P4HA1: variants seen among roughly 807,000 people sequenced by gnomAD.
The protein encoded by P4HA1 is prolyl 4-hydroxylase subunit alpha-1.
A neutral mutation model predicts 72.8 loss-of-function variants in P4HA1; 24 were observed. The ratio of observed to expected loss-of-function variants is 0.33; its 90% CI spans 0.24 to 0.46. The LOEUF (loss-of-function observed/expected upper bound fraction) is 0.46. Ranked by LOEUF, P4HA1 falls within the 20% of genes least tolerant of loss-of-function variation. The pLI is 1.00. For synonymous variants in P4HA1, 201 were observed against 218.8 expected, an observed-to-expected ratio of 0.92 and a Z score of 0.72; for missense variants, 446 against 640.6, an observed-to-expected ratio of 0.70 and a Z score of 3.28.
chr10:73,094,284 C>A (rs1285461676), intron 1 of P4HA1, among the ~76,000 whole-genome samples: 1 of 152,046 alleles, frequency 6.6e-6, no homozygotes, highest in Admixed American at 6.6e-5. Context: ...ATGCCCAGCT[C>A]GATTTTCAGA....
chr10:73,020,223 C>T (rs1840101903), intron 10 of P4HA1, among the ~76,000 whole-genome samples: 1 of 151,878 alleles, frequency 6.6e-6, no homozygotes, highest in Non-Finnish European at 1.5e-5. Context: ...TTACAACTGA[C>T]CCCAAAGAAA....
intron 1 of P4HA1, among the ~76,000 whole-genome samples, chr10:73,093,033 T>C (rs970957875): frequency 3.8e-4 from 58 of 151,638 alleles, no homozygotes; most frequent in African/African-American, 1.4e-3. Context: ...GGCAGAAGGA[T>C]TGCTTGAGCC....
chr10:73,068,390 C>T (rs1281282010), intron 5 of P4HA1, among the ~76,000 whole-genome samples: 1 of 151,982 alleles, frequency 6.6e-6, no homozygotes, highest in African/African-American at 2.4e-5. Flanking sequence ...GAGGACTTTG[C>T]CAAAAATAGG....
chr10:73,061,370 T>C (rs1841309216), intron 5 of P4HA1, among the ~76,000 whole-genome samples: 1 of 151,988 alleles, frequency 6.6e-6, no homozygotes. Context: ...CTCCAGAATG[T>C]GGAACATTCC....
rs114461216 is a variant in P4HA1 at position 73,075,105 on chromosome 10, T to C, written c.-32-190A>G. 1.8e-3 allele frequency among the ~76,000 whole-genome samples: 272 copies of C among 152,252 alleles called. 3 individuals are homozygous for C. The highest frequency in any genetic ancestry group is 6.2e-3 in the African/African-American group (258 of 41,532). On this transcript the variant is annotated intron_variant, in intron 1 of 14. Transcript: ENST00000394890. ...ATATAATGAGAGTACTACCATGACATTTCTTTTTTGTGTTTTTCTCTTTTG... is the reference window on the plus strand; with the variant it reads ...ATATAATGAGAGTACTACCATGACACTTCTTTTTTGTGTTTTTCTCTTTTG...
intron 5 of P4HA1, among the ~76,000 whole-genome samples, chr10:73,066,593 C>A (rs564060950): frequency 5.9e-5 from 9 of 152,224 alleles, no homozygotes; most frequent in Admixed American, 3.9e-4. Context: ...TCACAGCTCA[C>A]TGCAGCCTTG....
chr10:73,053,235 C>T (rs756388181), intron 6 of P4HA1, 116 bp downstream of exon 6: 25 of 965,266 alleles, frequency 2.6e-5, no homozygotes, highest in Non-Finnish European at 3.9e-5. Context: ...ACAAGTAAAG[C>T]TCCTGACTTC....
chr10:73,015,032 T>C (rs966211653), intron 11 of P4HA1, among the ~76,000 whole-genome samples: 1 of 151,924 alleles, frequency 6.6e-6, no homozygotes, highest in Non-Finnish European at 1.5e-5. Flanking sequence ...AGTTTCACCA[T>C]GTTGGCCAGA....
intron 5 of P4HA1, among the ~76,000 whole-genome samples, chr10:73,065,783 G>A (rs147907032): frequency 6.6e-5 from 10 of 152,214 alleles, no homozygotes; most frequent in African/African-American, 2.2e-4. Context: ...AATCAACAAA[G>A]ATGTATCAAA....
intron 10 of P4HA1, among the ~76,000 whole-genome samples, chr10:73,028,102 CTGAG>C (rs935931221): frequency 3.9e-5 from 6 of 152,100 alleles, no homozygotes; most frequent in Non-Finnish European, 2.9e-5. Context: ...TTACTGGACT[CTGAG>C]TGGGTTGCTG....
At chr10:73,056,278 GAT>G (rs1291917333) in intron 5 of P4HA1, among the ~76,000 whole-genome samples, 2 of 152,208 alleles carry the variant, frequency 1.3e-5, no homozygotes, top group East Asian at 1.9e-4. Context: ...CATTAAGAAA[GAT>G]AATTTCAATG....
chr10:73,045,699 TGA>T (rs1840839910), intron 8 of P4HA1, among the ~76,000 whole-genome samples: 1 of 152,028 alleles, frequency 6.6e-6, no homozygotes, highest in Non-Finnish European at 1.5e-5. Flanking sequence ...TCTGAGGTTG[TGA>T]GAGCATGAAA....
At chr10:73,042,496 G>C (rs1840759820) in intron 9 of P4HA1, among the ~76,000 whole-genome samples, 1 of 151,980 alleles carries the variant, frequency 6.6e-6, no homozygotes, top group African/African-American at 2.4e-5. Flanking sequence ...TCGAATGATT[G>C]AATTGTCATA....
chr10:73,085,840 A>C (rs1481999765), intron 1 of P4HA1, among the ~76,000 whole-genome samples: 1 of 152,216 alleles, frequency 6.6e-6, no homozygotes, highest in African/African-American at 2.4e-5. Context: ...ACAGTAAAAA[A>C]TGACTAGCTG....
chr10:73,043,909 C>T (rs751226925), intron 9 of P4HA1: 15 of 1,612,176 alleles, frequency 9.3e-6, no homozygotes, highest in Middle Eastern at 1.6e-4. Flanking sequence ...CTGTACTGTG[C>T]TGTGGTCAAT....
At position 73,051,066 on chromosome 10, in the gene P4HA1, T is replaced by TC; in HGVS notation, c.886dup (p.Glu296GlyfsTer19). The TC allele has an allele frequency of 6.2e-7, 1 of 1,613,216 alleles. No individual in the cohort carries two copies. Among genetic ancestry groups the TC allele is most frequent in the Non-Finnish European group, 8.5e-7 (1 of 1,179,598 alleles). On this transcript the variant is annotated frameshift_variant, in exon 7 of 15. Transcript: ENST00000394890. LOFTEE classifies it high-confidence loss of function. ...TTTCCACTTTACCATTTTGATACCC[T>TC]CCCCACGGCACAGCATTTCGTACTT...
At chr10:73,069,134 C>T (rs1031254400) in intron 4 of P4HA1, 151 bp from the exon 5 acceptor site, 2 of 598,736 alleles carry the variant, frequency 3.3e-6, no homozygotes, top group Middle Eastern at 4.4e-4. Context: ...ATTAAATACA[C>T]TGAATAAGAC....
At chr10:73,057,286 C>A (rs989922198) in intron 5 of P4HA1, among the ~76,000 whole-genome samples, 1 of 151,164 alleles carries the variant, frequency 6.6e-6, no homozygotes, top group African/African-American at 2.4e-5. Context: ...GTCAGGAGAT[C>A]GCGATCATCC....
chr10:73,073,309 C>CCT, intron 3 of P4HA1, among the ~76,000 whole-genome samples: 1 of 150,626 alleles, frequency 6.6e-6, no homozygotes, highest in African/African-American at 2.4e-5. Flanking sequence ...GCAGCCTCCA[C>CCT]CTCCCGGGTT....
Sources: allele counts gnomAD v4.1 joint callset (sites outside exome capture counted in the v4.1 genomes callset), GRCh38; gene constraint gnomAD v4.1.1; transcripts MANE v1.5; gene names NCBI Gene and HGNC (gene_info 2026-07-23, HGNC 2026-07-21).